TENM3: variants seen among roughly 807,000 people sequenced by gnomAD.
TENM3 encodes the protein teneurin transmembrane protein 3.
A neutral mutation model predicts 255.1 loss-of-function variants in TENM3; 63 were observed. The ratio of observed to expected loss-of-function variants is 0.25; its 90% CI spans 0.20 to 0.30. The LOEUF (loss-of-function observed/expected upper bound fraction) is 0.30. Ranked by LOEUF, TENM3 falls within the 10% of genes least tolerant of loss-of-function variation. The probability of loss-of-function intolerance (pLI) is 1.00; values close to 1 mark genes in which losing one functional copy is unlikely to be tolerated. For missense variants in TENM3, 2,929 were observed against 3,461.1 expected, an observed-to-expected ratio of 0.85 and a Z score of 3.86; for synonymous variants, 1,306 against 1,322.3, an observed-to-expected ratio of 0.99 and a Z score of 0.27.
At chr4:181,840,779 C>T in the TENM3 span, among the ~76,000 whole-genome samples, 3 of 152,084 alleles carry the variant, frequency 2.0e-5, no homozygotes, top group South Asian at 6.2e-4. Flanking sequence ...CTTTGAACCC[C>T]TCTACTTCTA....
the TENM3 span, among the ~76,000 whole-genome samples, chr4:181,483,331 G>A: frequency 0.026 from 3,969 of 152,050 alleles, 167 homozygotes; most frequent in African/African-American, 0.091. Context: ...CTTTGTTGTC[G>A]CAATTAGTAC....
chr4:182,703,862 T>G (rs1331990407), intron 12 of TENM3, among the ~76,000 whole-genome samples: 1 of 152,168 alleles, frequency 6.6e-6, no homozygotes, highest in Non-Finnish European at 1.5e-5. Context: ...AGACAAAAAA[T>G]TCTACCCATT....
chr4:182,738,358 C>A, intron 17 of TENM3, 43 bp from the exon 18 acceptor site: 1 of 1,518,460 alleles, frequency 6.6e-7, no homozygotes, highest in Non-Finnish European at 8.9e-7. Context: ...TTGCATTTCC[C>A]CCAGTCGTTG....
At chr4:181,734,954 C>T in the TENM3 span, among the ~76,000 whole-genome samples, 3 of 152,202 alleles carry the variant, frequency 2.0e-5, no homozygotes, top group East Asian at 5.8e-4. Context: ...AAAAGTTAAA[C>T]ACTCTCAATG....
At chr4:181,901,117 T>C in the TENM3 span, among the ~76,000 whole-genome samples, 3 of 152,160 alleles carry the variant, frequency 2.0e-5, no homozygotes, top group Non-Finnish European at 2.9e-5. Context: ...CCAAAAATCA[T>C]AGCCCTTCTA....
chr4:181,567,797 A>G, the TENM3 span, among the ~76,000 whole-genome samples: 1 of 152,122 alleles, frequency 6.6e-6, no homozygotes, highest in Non-Finnish European at 1.5e-5. Flanking sequence ...ATAATATTGG[A>G]TTTAGATAAA....
At chr4:181,875,192 A>G in the TENM3 span, among the ~76,000 whole-genome samples, 2 of 152,210 alleles carry the variant, frequency 1.3e-5, no homozygotes, top group South Asian at 2.1e-4. Context: ...TAAGGCAGAT[A>G]TGTCTGCTGT....
the TENM3 span, among the ~76,000 whole-genome samples, chr4:181,849,698 G>T: frequency 6.6e-6 from 1 of 152,034 alleles, no homozygotes; most frequent in Admixed American, 6.6e-5. Context: ...ACGTCCTTTT[G>T]TATGACATTA....
intron 3 of TENM3, among the ~76,000 whole-genome samples, chr4:182,540,522 G>A (rs1160606766): frequency 2.0e-5 from 3 of 152,188 alleles, no homozygotes; most frequent in Admixed American, 6.5e-5. Context: ...AGGAGGCGGA[G>A]GTTACGGTGA....
chr4:182,100,628 C>CACACAT, the TENM3 span, among the ~76,000 whole-genome samples: 32 of 36,794 alleles, frequency 8.7e-4, 1 homozygote, highest in Non-Finnish European at 1.0e-3. Context: ...TATACACACA[C>CACACAT]ATATATACAC....
At chr4:181,596,368 T>G in the TENM3 span, among the ~76,000 whole-genome samples, 1 of 152,280 alleles carries the variant, frequency 6.6e-6, no homozygotes, top group East Asian at 1.9e-4. Context: ...ACAGGAAGAT[T>G]TTACTTACAG....
chr4:182,630,976 G>A (rs1751314200), intron 5 of TENM3, among the ~76,000 whole-genome samples: 1 of 152,038 alleles, frequency 6.6e-6, no homozygotes, highest in African/African-American at 2.4e-5. Flanking sequence ...TTTAATGTGA[G>A]ATCAGTCACT....
the TENM3 span, among the ~76,000 whole-genome samples, chr4:181,970,974 G>C: frequency 6.6e-6 from 1 of 152,064 alleles, no homozygotes; most frequent in Non-Finnish European, 1.5e-5. Context: ...CAGAGAAGGG[G>C]TCTCACTCTA....
At chr4:182,191,858 G>T (rs374187697) in intron 1 of TENM3, among the ~76,000 whole-genome samples, 2 of 151,982 alleles carry the variant, frequency 1.3e-5, no homozygotes, top group Non-Finnish European at 2.9e-5. Context: ...ACAGATTATC[G>T]CTGATCTACT....
chr4:181,812,093 C>T, the TENM3 span, among the ~76,000 whole-genome samples: 1 of 152,148 alleles, frequency 6.6e-6, no homozygotes, highest in East Asian at 1.9e-4. Context: ...CCACTAGGAA[C>T]TAAGAGGCCT....
the TENM3 span, among the ~76,000 whole-genome samples, chr4:181,453,069 C>T: frequency 6.6e-6 from 1 of 152,146 alleles, no homozygotes; most frequent in African/African-American, 2.4e-5. Flanking sequence ...AAGACTTTCT[C>T]CAGAAGCTCT....
rs575539367 is a variant in TENM3, at chr4:182,717,467, C to G, written c.2368+3234C>G. On this transcript the variant is annotated intron_variant, in intron 13 of 27. Transcript: ENST00000511685. ...TCAGAGCTAAGGGCAATCTGTTACC[C>G]GTAATAAGGGCCCTGACAAAGGTCT... is the stretch of plus-strand genomic sequence containing the variant. Among the ~76,000 whole-genome samples the G allele has an allele frequency of 2.0e-5, 3 of 152,250 alleles. No homozygotes were observed. In the East Asian group the frequency reaches 5.8e-4, roughly 29 times the overall value.
At chr4:182,320,250 T>G (rs1762969845) in intron 1 of TENM3, among the ~76,000 whole-genome samples, 1 of 152,224 alleles carries the variant, frequency 6.6e-6, no homozygotes, top group South Asian at 2.1e-4. Context: ...TTCCTGTGGC[T>G]GCAGTGAGAA....
chr4:181,709,287 T>C, the TENM3 span, among the ~76,000 whole-genome samples: 15 of 152,214 alleles, frequency 9.9e-5, no homozygotes, highest in African/African-American at 3.6e-4. Context: ...TTTTGCCTGC[T>C]ACACAGTAGG....
Sources: allele counts gnomAD v4.1 joint callset (sites outside exome capture counted in the v4.1 genomes callset), GRCh38; gene constraint gnomAD v4.1.1; transcripts MANE v1.5; gene names NCBI Gene and HGNC (gene_info 2026-07-23, HGNC 2026-07-21).